The following MRPS5 variants were observed in gnomAD, a reference collection of about 807,000 sequenced individuals.
The protein encoded by MRPS5 is mitochondrial ribosomal protein S5, also known as small ribosomal subunit protein uS5m.
A neutral mutation model predicts 51.9 loss-of-function variants in MRPS5; 27 were observed. The ratio of observed to expected loss-of-function variants is 0.52; its 90% CI spans 0.38 to 0.72. MRPS5 has a LOEUF of 0.72. MRPS5 is among the 30% of genes least tolerant of loss of function. The pLI is 0.00. For synonymous variants in MRPS5, 196 were observed against 193.2 expected, an observed-to-expected ratio of 1.01 and a Z score of -0.12; for missense variants, 570 against 545.7, an observed-to-expected ratio of 1.04 and a Z score of -0.44.
rs376364336 is a variant in MRPS5 at position 95,116,437 on chromosome 2, G to T, written c.140-1234C>A. On this transcript the variant is annotated intron_variant, in intron 2 of 11. Transcript: ENST00000272418. The stretch of plus-strand genomic sequence containing the variant: ...TCCTATCTAATAATGTACCTTAAAA[G>T]GTCCAACTGTCAAAAGCAGAAAGAA... Among the ~76,000 whole-genome samples, 11 of 152,102 alleles carry T rather than the reference G, an allele frequency of 7.2e-5. No individual in the cohort carries two copies. In the East Asian group the frequency reaches 1.7e-3, roughly 24 times the overall value.
intron 2 of MRPS5, among the ~76,000 whole-genome samples, chr2:95,116,794 T>G (rs1361561235): frequency 6.6e-6 from 1 of 152,046 alleles, no homozygotes; most frequent in Non-Finnish European, 1.5e-5. Flanking sequence ...GTCAGGAGTT[T>G]GAGGCCAGCC....
intron 10 of MRPS5, among the ~76,000 whole-genome samples, chr2:95,098,921 A>ATT (rs772096630): frequency 1.4e-4 from 20 of 141,098 alleles, no homozygotes; most frequent in African/African-American, 2.9e-4. Flanking sequence ...TATTATTATT[A>ATT]TTTTTTTTTT....
intron 3 of MRPS5, 89 bp from the exon 4 acceptor site, chr2:95,110,130 T>A: frequency 1.3e-6 from 2 of 1,509,550 alleles, no homozygotes; most frequent in South Asian, 2.6e-5. Flanking sequence ...GAAGTGGAGG[T>A]CAGCTTACAG....
At chr2:95,115,515 T>G (rs1413758847) in intron 2 of MRPS5, among the ~76,000 whole-genome samples, 2 of 152,194 alleles carry the variant, frequency 1.3e-5, no homozygotes, top group African/African-American at 4.8e-5. Context: ...TCTGGGCAAT[T>G]GGCGCCCTCT....
intron 2 of MRPS5, among the ~76,000 whole-genome samples, chr2:95,115,579 C>T (rs1676262997): frequency 6.6e-6 from 1 of 152,156 alleles, no homozygotes; most frequent in Non-Finnish European, 1.5e-5. Flanking sequence ...CTGGCCAGGT[C>T]AGAAGAGCAA....
intron 10 of MRPS5, among the ~76,000 whole-genome samples, chr2:95,097,959 GGCTAATATCCA>G (rs1675676786): frequency 6.6e-6 from 1 of 152,148 alleles, no homozygotes; most frequent in African/African-American, 2.4e-5. Flanking sequence ...TCTGACAAAA[GGCTAATATCCA>G]GCATCTACAA....
At chr2:95,115,670 C>G (rs1212791692) in intron 2 of MRPS5, among the ~76,000 whole-genome samples, 2 of 152,112 alleles carry the variant, frequency 1.3e-5, no homozygotes, top group Non-Finnish European at 2.9e-5. Flanking sequence ...ATAGACTAAC[C>G]CAGAAGTATG....
chr2:95,112,571 G>A (rs1455970402), intron 3 of MRPS5, among the ~76,000 whole-genome samples: 1 of 152,170 alleles, frequency 6.6e-6, no homozygotes, highest in African/African-American at 2.4e-5. Flanking sequence ...TTGAAAAAGT[G>A]TGTCCTTCTA....
chr2:95,109,964 T>C lies in MRPS5; in HGVS notation c.355A>G (p.Lys119Glu). 1 of 1,614,122 alleles carries C rather than the reference T, an allele frequency of 6.2e-7. No homozygotes were observed. Among genetic ancestry groups the C allele is most frequent in the Non-Finnish European group, 8.5e-7 (1 of 1,180,014 alleles). Residue 119 changes from lysine (K) to glutamate (E), a missense_variant, in exon 4 of 12, where the codon AAA (lysine) becomes GAA (glutamate). Physicochemically the swap from Lys to Glu is moderately conservative, Grantham distance 56. Coordinates refer to ENST00000272418, the MANE Select transcript of MRPS5 (RefSeq NM_031902.5). ...GAKKGRGKRTKKKKRKDLNRG... is the reference protein window; with the variant it reads ...GAKKGRGKRTEKKKRKDLNRG... The stretch of plus-strand genomic sequence containing the variant: ...TTCAGATCCTTTCTTTTCTTCTTTT[T>C]AGTTCTTTTGCCTCTTCCTTTTTTT...
intron 3 of MRPS5, among the ~76,000 whole-genome samples, chr2:95,110,715 T>A (rs1323902944): frequency 6.6e-6 from 1 of 151,860 alleles, no homozygotes; most frequent in East Asian, 1.9e-4. Flanking sequence ...GGTGGGAGGG[T>A]CACTTGACCC....
At chr2:95,103,886 C>T (rs1482019899) in intron 7 of MRPS5, 1 of 152,022 alleles carries the variant, frequency 6.6e-6, no homozygotes, top group Non-Finnish European at 1.5e-5. Context: ...ATAATATGAA[C>T]ATAAAATTTA....
intron 11 of MRPS5, among the ~76,000 whole-genome samples, chr2:95,089,235 A>C (rs1477757752): frequency 6.6e-6 from 1 of 152,198 alleles, no homozygotes; most frequent in Non-Finnish European, 1.5e-5. Context: ...TTCAGAAAAC[A>C]GAAGGCTTTT....
chr2:95,090,177 A>G (rs1439468670), intron 11 of MRPS5, among the ~76,000 whole-genome samples: 1 of 100,300 alleles, frequency 1.0e-5, no homozygotes, highest in Non-Finnish European at 2.4e-5. Flanking sequence ...ACTCCGTCTC[A>G]AAAAAAAAAA....
At chr2:95,115,815 C>T (rs1227568566) in intron 2 of MRPS5, among the ~76,000 whole-genome samples, 2 of 152,004 alleles carry the variant, frequency 1.3e-5, no homozygotes, top group East Asian at 3.9e-4. Flanking sequence ...GAAATACGGG[C>T]TTTTCATTTT....
chr2:95,101,571 G>C, intron 8 of MRPS5, 106 bp downstream of exon 8: 2 of 852,140 alleles, frequency 2.3e-6, no homozygotes, highest in South Asian at 4.0e-5. Flanking sequence ...AAGCCTCATG[G>C]GAAGGTTCTG....
At chr2:95,112,432 T>C (rs1284196678) in intron 3 of MRPS5, among the ~76,000 whole-genome samples, 1 of 152,188 alleles carries the variant, frequency 6.6e-6, no homozygotes, top group East Asian at 1.9e-4. Context: ...ATCTTATACA[T>C]GGAGTTATTT....
chr2:95,101,058 C>G (rs1035815922), intron 8 of MRPS5, among the ~76,000 whole-genome samples, 164 bp from the exon 9 acceptor site: 3 of 152,058 alleles, frequency 2.0e-5, no homozygotes, highest in African/African-American at 7.2e-5. Context: ...AAACTCTTAA[C>G]TACAATATCA....
chr2:95,102,042 C>T, intron 7 of MRPS5: 1 of 230,482 alleles, frequency 4.3e-6, no homozygotes, highest in Non-Finnish European at 8.5e-6. Flanking sequence ...TGACTGTGGT[C>T]CCAACTACTC....
chr2:95,121,068 A>G (rs1195665685), intron 1 of MRPS5, among the ~76,000 whole-genome samples: 1 of 152,136 alleles, frequency 6.6e-6, no homozygotes, highest in African/African-American at 2.4e-5. Context: ...CAGTGAGCCG[A>G]GATCGCACCA....
Sources: allele counts gnomAD v4.1 joint callset (sites outside exome capture counted in the v4.1 genomes callset), GRCh38; gene constraint gnomAD v4.1.1; transcripts MANE v1.5; gene names NCBI Gene and HGNC (gene_info 2026-07-23, HGNC 2026-07-21).